Variants in KIAA1328 observed in about 807,000 individuals in gnomAD.
KIAA1328 encodes the protein protein hinderin.
Under a neutral mutation model 68.1 loss-of-function variants are expected in KIAA1328, and 52 were observed. The ratio of observed to expected loss-of-function variants is 0.76; its 90% CI spans 0.61 to 0.96. The LOEUF is 0.96. Ranked by LOEUF, KIAA1328 falls within the 40% of genes least tolerant of loss-of-function variation. The probability of loss-of-function intolerance (pLI) is 0.00; values close to 1 mark genes in which losing one functional copy is unlikely to be tolerated. For missense variants in KIAA1328, 641 were observed against 677.6 expected (o/e 0.95, Z 0.60); for synonymous variants, 232 against 239.4 (o/e 0.97, Z 0.28).
rs1227105532 is a variant in KIAA1328 at position 36,977,279 on chromosome 18, G to A, written c.576+17844G>A. On this transcript the variant is annotated intron_variant, in intron 6 of 9. Transcript: ENST00000280020. ...GAGGTAATCCTTTTCTCATTGGCTA[G>A]CTAACTGTGTTGGTAGCTTCAGTTC... Among the ~76,000 whole-genome samples the A allele has an allele frequency of 2.6e-5, 4 of 152,290 alleles. No homozygotes were observed. The East Asian group carries it at 7.7e-4, about 29-fold the overall frequency.
chr18:37,201,061 C>G (rs865868215), intron 9 of KIAA1328, among the ~76,000 whole-genome samples: 1 of 152,138 alleles, frequency 6.6e-6, no homozygotes, highest in Non-Finnish European at 1.5e-5. Context: ...TAGGAGCACC[C>G]AAAATCTAAA....
chr18:36,979,155 C>G (rs1456508209), intron 6 of KIAA1328, among the ~76,000 whole-genome samples: 2 of 151,436 alleles, frequency 1.3e-5, no homozygotes, highest in East Asian at 3.9e-4. Context: ...GACTGAGACC[C>G]TATCTCTAAA....
At chr18:36,967,951 T>G (rs1307613586) in intron 6 of KIAA1328, among the ~76,000 whole-genome samples, 1 of 152,184 alleles carries the variant, frequency 6.6e-6, no homozygotes, top group African/African-American at 2.4e-5. Context: ...AGACCAAATC[T>G]ATGACTCATT....
chr18:36,995,043 G>T (rs557871685), intron 6 of KIAA1328, among the ~76,000 whole-genome samples: 14 of 152,060 alleles, frequency 9.2e-5, no homozygotes, highest in Non-Finnish European at 2.1e-4. Context: ...TGCCCTGGAG[G>T]CTAGCCGCAC....
At chr18:37,177,579 A>G (rs2059618577) in intron 9 of KIAA1328, among the ~76,000 whole-genome samples, 1 of 152,066 alleles carries the variant, frequency 6.6e-6, no homozygotes, top group Non-Finnish European at 1.5e-5. Context: ...AACTGGAATT[A>G]GCCTGTTTCT....
chr18:36,977,670 C>T (rs2151354374), intron 6 of KIAA1328, among the ~76,000 whole-genome samples: 1 of 152,220 alleles, frequency 6.6e-6, no homozygotes, highest in South Asian at 2.1e-4. Context: ...TAATCAAACC[C>T]AGAAACAAGG....
chr18:37,225,099 G>GCT lies in KIAA1328; in HGVS notation c.*2872_*2873insCT. On this transcript the variant is annotated 3_prime_UTR_variant, in exon 10 of 10. Coordinates refer to ENST00000280020, the MANE Select transcript of KIAA1328 (RefSeq NM_020776.3). ...GCTCCCTCAGAGCTACTCTTCACTT[G>GCT]TCCCTGCTTCCGGCACCAAGTTCAT... is the stretch of plus-strand genomic sequence containing the variant. 1 of 985,422 alleles carries GCT rather than the reference G, an allele frequency of 1.0e-6. No homozygotes were observed. The highest frequency in any genetic ancestry group is 1.2e-6 in the Non-Finnish European group (1 of 829,966). 61.0% of individuals were successfully genotyped at this position (985,422 alleles called of 1,614,324 possible).
In KIAA1328 at chr18:36,939,098, G is replaced by T. The variant is rs543770587; in HGVS notation, c.449-20210G>T. ...GGGTCTTTTGTAGTACAGATTTGGG[G>T]TGTTGTTTTTCCTATTTTTCTGTTT... On this transcript the variant is annotated intron_variant, in intron 5 of 9. Transcript: ENST00000280020. Among the ~76,000 whole-genome samples the T allele has an allele frequency of 6.6e-5, 10 of 152,154 alleles. 1 individual carries two copies. The South Asian group carries it at 2.1e-3, about 32-fold the overall frequency.
At chr18:37,229,006 CAAAA>C (rs900426384), downstream of KIAA1328, among the ~76,000 whole-genome samples, 23 of 152,196 alleles carry the variant, frequency 1.5e-4, 1 homozygote, top group East Asian at 4.2e-3. Flanking sequence ...CACTGGGAAA[CAAAA>C]AATTTGTGTG....
chr18:36,916,531 C>T (rs1240342049), intron 5 of KIAA1328, among the ~76,000 whole-genome samples: 14 of 152,002 alleles, frequency 9.2e-5, no homozygotes, highest in Non-Finnish European at 2.1e-4. Context: ...TAGATAACTC[C>T]AAAATCTGGG....
At chr18:37,053,043 T>C (rs1474103354) in intron 6 of KIAA1328, among the ~76,000 whole-genome samples, 1 of 152,166 alleles carries the variant, frequency 6.6e-6, no homozygotes, top group Admixed American at 6.5e-5. Flanking sequence ...AAAGCAGTCC[T>C]AAGCAAAAAG....
chr18:36,917,525 G>A (rs1378723101), intron 5 of KIAA1328, among the ~76,000 whole-genome samples: 1 of 152,124 alleles, frequency 6.6e-6, no homozygotes, highest in Admixed American at 6.5e-5. Context: ...TCAGGCCTCT[G>A]AAGAGTTTTG....
At chr18:37,063,665 G>T in intron 6 of KIAA1328, 1 of 985,354 alleles carries the variant, frequency 1.0e-6, no homozygotes, top group Non-Finnish European at 1.2e-6. Flanking sequence ...TCTAGGCAAA[G>T]CATTCGTTAA....
intron 6 of KIAA1328, among the ~76,000 whole-genome samples, chr18:36,972,051 G>A (rs1340657880): frequency 6.6e-6 from 1 of 152,190 alleles, no homozygotes; most frequent in Non-Finnish European, 1.5e-5. Context: ...TGACAGTACA[G>A]TACTGCCATA....
At chr18:37,163,747 ATC>A (rs1278371134) in intron 8 of KIAA1328, among the ~76,000 whole-genome samples, 1 of 152,212 alleles carries the variant, frequency 6.6e-6, no homozygotes, top group Non-Finnish European at 1.5e-5. Context: ...AATCATTTCT[ATC>A]TTGCCTCTAA....
chr18:37,147,337 AATTG>A (rs2058925538), intron 7 of KIAA1328, among the ~76,000 whole-genome samples: 1 of 152,144 alleles, frequency 6.6e-6, no homozygotes, highest in African/African-American at 2.4e-5. Context: ...GGTTGATTTT[AATTG>A]ATTGATTTTT....
chr18:36,872,663 C>A (rs929338693), intron 4 of KIAA1328, among the ~76,000 whole-genome samples: 15 of 152,158 alleles, frequency 9.9e-5, no homozygotes, highest in African/African-American at 3.4e-4. Flanking sequence ...TCTCTACTTC[C>A]TACCCAAGAT....
At chr18:36,948,027 A>G (rs1206038000) in intron 5 of KIAA1328, among the ~76,000 whole-genome samples, 2 of 152,052 alleles carry the variant, frequency 1.3e-5, no homozygotes, top group Admixed American at 6.6e-5. Flanking sequence ...CCTTCCCATC[A>G]TGGCCTGAAC....
intron 4 of KIAA1328, among the ~76,000 whole-genome samples, chr18:36,856,249 A>G (rs1403774559): frequency 6.6e-6 from 1 of 151,844 alleles, no homozygotes; most frequent in African/African-American, 2.4e-5. Context: ...TTTGGACATT[A>G]TTTCTTCAGG....
Sources: allele counts gnomAD v4.1 joint callset (sites outside exome capture counted in the v4.1 genomes callset), GRCh38; gene constraint gnomAD v4.1.1; transcripts MANE v1.5; gene names NCBI Gene and HGNC (gene_info 2026-07-23, HGNC 2026-07-21).